The following CD47 variants were observed in gnomAD, a reference collection of about 807,000 sequenced individuals.
CD47 encodes CD47 molecule, also known as leukocyte surface antigen CD47.
A neutral mutation model predicts 44.6 loss-of-function variants in CD47; 11 were observed. The ratio of observed to expected loss-of-function variants is 0.25; its 90% CI spans 0.16 to 0.41. The LOEUF (loss-of-function observed/expected upper bound fraction) is 0.41, where lower values mean the gene tolerates loss of function less well. Among genes scored for constraint, CD47 ranks in the 10% least tolerant of loss-of-function variants. The probability of loss-of-function intolerance (pLI) is 1.00; values close to 1 mark genes in which losing one functional copy is unlikely to be tolerated. For synonymous variants in CD47, 140 were observed against 136.3 expected, an observed-to-expected ratio of 1.03 and a Z score of -0.19; for missense variants, 306 against 386.7, an observed-to-expected ratio of 0.79 and a Z score of 1.75.
In CD47 at chr3:108,071,109, T is replaced by C; in HGVS notation, c.474A>G (p.Gly158=). 7.2e-7 allele frequency: 1 copy of C among 1,397,750 alleles called. No homozygotes were observed. Among genetic ancestry groups the C allele is most frequent in the East Asian group, 2.3e-5 (1 of 42,974 alleles). The allele number at this position is 1,397,750 out of a possible 1,614,324, so 86.6% of individuals were successfully genotyped here. A position where few individuals can be genotyped will look rare whatever the true frequency, so the allele number is the denominator to read the frequency against. Residue 158 remains glycine (G), a synonymous_variant, in exon 3 of 11, where the codon GGA becomes GGG. Transcript: ENST00000361309. ...FPIFAILLFW[G]QFGIKTLKYR... is the part of the protein sequence containing the mutation. ...AATACTTACTTTTAATACCAAACTG[T>C]CCCCAGAACAGGAGTATAGCAAAAA...
intron 8 of CD47, 32 bp from the exon 9 acceptor site, chr3:108,050,634 A>C: frequency 1.3e-6 from 1 of 777,656 alleles, no homozygotes; most frequent in Non-Finnish European, 2.0e-6. Context: ...TTTACATAAA[A>C]ATATAATTTA....
chr3:108,090,819 C>A (rs1472441890), intron 1 of CD47, 44 bp downstream of exon 1: 1 of 1,455,634 alleles, frequency 6.9e-7, no homozygotes, highest in East Asian at 3.0e-5. Context: ...CCCGCGGGGG[C>A]GAAGCGACAG....
intron 1 of CD47, 120 bp downstream of exon 1, chr3:108,090,743 G>A (rs573937199): frequency 1.4e-5 from 12 of 874,806 alleles, no homozygotes; most frequent in African/African-American, 9.0e-5. Flanking sequence ...CTCAGGGCCC[G>A]AGTGTTCTGC....
At chr3:108,057,328 T>C (rs1294852966) in intron 7 of CD47, 149 bp downstream of exon 7, 1 of 477,154 alleles carries the variant, frequency 2.1e-6, no homozygotes, top group East Asian at 3.6e-5. Flanking sequence ...AAATCCTATA[T>C]GTCTTCTACC....
chr3:108,084,567 C>T (rs2079481579), intron 1 of CD47, among the ~76,000 whole-genome samples: 4 of 152,106 alleles, frequency 2.6e-5, no homozygotes, highest in African/African-American at 9.7e-5. Context: ...CACTGCCTTT[C>T]TTCTAAACTG....
In CD47 at chr3:108,051,920, T is replaced by C; in HGVS notation, c.909+19A>G. On this transcript the variant is annotated intron_variant, in intron 8 of 10. Coordinates refer to ENST00000361309, the MANE Select transcript of CD47 (RefSeq NM_001777.4). ...CCTCAAATGATCATTCACAATTCATTTAATAAACTTTAACTTACCCTAGGA... is the reference window on the plus strand; with the variant it reads ...CCTCAAATGATCATTCACAATTCATCTAATAAACTTTAACTTACCCTAGGA... The C allele has an allele frequency of 6.7e-7, 1 of 1,497,024 alleles. No homozygotes were observed. The highest frequency in any genetic ancestry group is 9.3e-7 in the Non-Finnish European group (1 of 1,075,886). The allele number at this position is 1,497,024 out of a possible 1,614,324, so 92.7% of individuals were successfully genotyped here.
At chr3:108,048,780 G>C (rs544177434) in intron 10 of CD47, among the ~76,000 whole-genome samples, 2 of 152,248 alleles carry the variant, frequency 1.3e-5, no homozygotes, top group African/African-American at 4.8e-5. Context: ...GAAGAGGGCA[G>C]GTAAGGTCAC....
In CD47 at chr3:108,058,621, C is replaced by T. The variant is rs1370370577; in HGVS notation, c.692-192G>A. 2.6e-5 allele frequency among the ~76,000 whole-genome samples: 4 copies of T among 152,324 alleles called. No individual in the cohort carries two copies. In the South Asian group the frequency reaches 6.2e-4, roughly 24 times the overall value. ...GTAGTCAGCTCCAAATTCACACATT[C>T]GGCAGCCTTTAATTTTCACAGTCAG... On this transcript the variant is annotated intron_variant, in intron 5 of 10. Coordinates refer to ENST00000361309, the MANE Select transcript of CD47 (RefSeq NM_001777.4).
At chr3:108,077,360 T>G (rs2079328695) in intron 2 of CD47, among the ~76,000 whole-genome samples, 1 of 152,126 alleles carries the variant, frequency 6.6e-6, no homozygotes, top group African/African-American at 2.4e-5. Flanking sequence ...TTGTTTGTTG[T>G]TTTTTTCAGT....
chr3:108,048,672 C>T (rs963198827), intron 10 of CD47, among the ~76,000 whole-genome samples: 8 of 151,840 alleles, frequency 5.3e-5, no homozygotes, highest in African/African-American at 1.9e-4. Flanking sequence ...GCGTGAGCCA[C>T]CGCGCCCGGC....
chr3:108,080,207 C>T lies in CD47; in HGVS notation c.184G>A (p.Gly62Arg). The change falls in exon 2 of 11, where the codon GGA (glycine) becomes AGA (arginine). Residue 62 changes from glycine to arginine, a missense_variant. Physicochemically the swap from Gly to Arg is moderately radical, Grantham distance 125. Coordinates refer to ENST00000361309, the MANE Select transcript of CD47 (RefSeq NM_001777.4). ...TEVYVKWKFK[G>R]RDIYTFDGAL... ...CCATCAAAGGTGTAAATATCTCTTC[C>T]TTTAAATTTCCACTTTACGTATACT... 2 of 1,612,846 alleles carry T rather than the reference C, an allele frequency of 1.2e-6. No homozygotes were observed. The highest frequency in any genetic ancestry group is 1.7e-6 in the Non-Finnish European group (2 of 1,179,060).
At chr3:108,080,827 T>A (rs2079403728) in intron 1 of CD47, among the ~76,000 whole-genome samples, 1 of 151,874 alleles carries the variant, frequency 6.6e-6, no homozygotes, top group Admixed American at 6.6e-5. Flanking sequence ...ATCCTTATGC[T>A]GCATTTCCAA....
At chr3:108,066,992 G>A (rs2079115307) in intron 3 of CD47, among the ~76,000 whole-genome samples, 2 of 152,166 alleles carry the variant, frequency 1.3e-5, no homozygotes, top group South Asian at 4.1e-4. Context: ...GGTAGAAACC[G>A]ATCCAAACTT....
rs754194996 is a variant in CD47 at position 108,057,529 on chromosome 3, C to T, written c.825G>A (p.Leu275=). 7 of 1,588,142 alleles carry T rather than the reference C, an allele frequency of 4.4e-6. No homozygotes were observed. Among genetic ancestry groups the T allele is most frequent in the Non-Finnish European group, 6.1e-6 (7 of 1,156,834 alleles). The change falls in exon 7 of 11, where the codon TTG becomes TTA. Residue 275 remains leucine (L), a synonymous_variant. Transcript: ENST00000361309. ...GTAATTGTGCTAGAGCTAAGATACT[C>T]AAACCTGAAATCAGAAGAGGGCCAT... ...PMHGPLLISG[L]SILALAQLLG... is the part of the protein sequence containing the mutation.
At chr3:108,058,795 C>G (rs1026721057) in intron 5 of CD47, among the ~76,000 whole-genome samples, 1 of 152,196 alleles carries the variant, frequency 6.6e-6, no homozygotes, top group African/African-American at 2.4e-5. Context: ...TATGCAAATA[C>G]CTGACTGTAA....
In CD47 at chr3:108,080,359, G is replaced by A. The variant is rs1444683555; in HGVS notation, c.47-15C>T. On this transcript the variant is annotated splice_polypyrimidine_tract_variant and intron_variant, in intron 1 of 10. Coordinates refer to ENST00000361309, the MANE Select transcript of CD47 (RefSeq NM_001777.4). ...CTGAGCTGATCCTGGAAAGGAAAAA[G>A]AAAAATGTTTCATTAATTATAGAAG... The A allele has an allele frequency of 1.5e-6, 2 of 1,369,252 alleles. No homozygotes were observed. The highest frequency in any genetic ancestry group is 2.0e-5 in the Admixed American group (1 of 51,054). The allele number at this position is 1,369,252 out of a possible 1,614,324, so 84.8% of individuals were successfully genotyped here.
rs1388918367 is a variant in CD47, at chr3:108,058,371, G to A, written c.750C>T (p.Ile250=). The A allele has an allele frequency of 1.3e-6, 2 of 1,566,400 alleles. No homozygotes were observed. The highest frequency in any genetic ancestry group is 2.3e-5 in the South Asian group (2 of 85,160). Residue 250 remains isoleucine, a synonymous_variant, in exon 6 of 11, where the codon ATC becomes ATT. Coordinates refer to ENST00000361309, the MANE Select transcript of CD47 (RefSeq NM_001777.4). ...AILVIQVIAY[I]LAVVGLSLCI... is the part of the protein sequence containing the mutation. ...AGAGACTCAGTCCAACCACAGCGAGGATATAGGCTATCACCTGAATAACCA... is the reference window on the plus strand; with the variant it reads ...AGAGACTCAGTCCAACCACAGCGAGAATATAGGCTATCACCTGAATAACCA...
At position 108,090,947 on chromosome 3, in the gene CD47, T is replaced by A; in HGVS notation, c.-39A>T. On this transcript the variant is annotated 5_prime_UTR_variant, in exon 1 of 11. Coordinates refer to ENST00000361309, the MANE Select transcript of CD47 (RefSeq NM_001777.4). ...GCGGGGTCGCCGCCGCCGCCGCAGG[T>A]GTCCGGAGCAGCAGCCGCCGCCGCC... 1.4e-6 allele frequency: 2 copies of A among 1,421,474 alleles called. No homozygotes were observed. The highest frequency in any genetic ancestry group is 1.9e-6 in the Non-Finnish European group (2 of 1,080,146). 88.1% of individuals were successfully genotyped at this position (1,421,474 alleles called of 1,614,324 possible). A position where few individuals can be genotyped will look rare whatever the true frequency, so the allele number is the denominator to read the frequency against.
At chr3:108,054,635 T>A (rs918723597) in intron 7 of CD47, 3 of 152,246 alleles carry the variant, frequency 2.0e-5, no homozygotes, top group Non-Finnish European at 4.4e-5. Context: ...CCCTGAAACA[T>A]CTGACTCCAT....
Sources: gnomAD v4.1 joint callset for allele counts (sites outside exome capture counted in the v4.1 genomes callset) on GRCh38, gnomAD v4.1.1 for gene constraint, MANE v1.5 for transcripts, NCBI Gene and HGNC (gene_info 2026-07-23, HGNC 2026-07-21) for gene names.